The following ATP13A5 variants were observed in gnomAD, a reference collection of about 807,000 sequenced individuals.
The protein encoded by ATP13A5 is probable cation-transporting ATPase 13A5.
In ATP13A5, 149 loss-of-function variants were observed where a neutral mutation model predicts 150.2. The ratio of observed to expected loss-of-function variants is 0.99; its 90% CI spans 0.87 to 1.14. The LOEUF (loss-of-function observed/expected upper bound fraction) is 1.14, where lower values mean the gene tolerates loss of function less well. ATP13A5 is among the 50% of genes most tolerant of loss of function. The probability of loss-of-function intolerance (pLI) is 0.00; values close to 1 mark genes in which losing one functional copy is unlikely to be tolerated. For missense variants in ATP13A5, 1,383 were observed against 1,449.3 expected (o/e 0.95, Z 0.74); for synonymous variants, 497 against 522.2 (o/e 0.95, Z 0.66).
chr3:193,294,284 A>G (rs1003418643), intron 25 of ATP13A5, among the ~76,000 whole-genome samples: 13 of 152,044 alleles, frequency 8.6e-5, no homozygotes, highest in African/African-American at 2.9e-4. Flanking sequence ...AGGTGCTTCC[A>G]AGTTCCTGTT....
chr3:193,377,115 C>A (rs1159703694), intron 1 of ATP13A5, among the ~76,000 whole-genome samples: 1 of 152,162 alleles, frequency 6.6e-6, no homozygotes, highest in African/African-American at 2.4e-5. Context: ...AGGCTATAAA[C>A]TTTACAAATA....
chr3:193,338,218 C>G (rs1399327883), intron 9 of ATP13A5, among the ~76,000 whole-genome samples: 1 of 152,136 alleles, frequency 6.6e-6, no homozygotes, highest in Admixed American at 6.6e-5. Context: ...ATTGAATACC[C>G]TTTATTTCTT....
rs1718583478 is a variant in ATP13A5, at chr3:193,305,629, G to A, written c.2608C>T (p.Gln870Ter). The change falls in exon 23 of 30, where the codon CAG becomes TAG. Residue 870 changes from glutamine (Q) to a stop codon, truncating the protein, a stop_gained. Coordinates refer to ENST00000342358, the MANE Select transcript of ATP13A5 (RefSeq NM_198505.4). LOFTEE classifies it high-confidence loss of function. The stretch of plus-strand genomic sequence containing the variant: ...AAAGGGGATGCCACAGATGCTTCCT[G>A]CTCTGATAATGAAATGCCTGCATGA... Reference protein sequence around the residue: ...AAHAGISLSEQEASVASPFTS... With the variant: ...AAHAGISLSE The A allele has an allele frequency of 1.2e-6, 2 of 1,613,946 alleles. No homozygotes were observed. Among genetic ancestry groups the A allele is most frequent in the Non-Finnish European group, 1.7e-6 (2 of 1,179,890 alleles).
At chr3:193,366,637 C>T (rs893346674) in intron 1 of ATP13A5, among the ~76,000 whole-genome samples, 2 of 152,004 alleles carry the variant, frequency 1.3e-5, no homozygotes, top group African/African-American at 2.4e-5. Flanking sequence ...AATCTACTCT[C>T]ATCATTGGAG....
At chr3:193,352,743 TA>T (rs1712614160) in intron 6 of ATP13A5, among the ~76,000 whole-genome samples, 2 of 152,154 alleles carry the variant, frequency 1.3e-5, no homozygotes, top group South Asian at 2.1e-4. Context: ...AAAATAAAGT[TA>T]AAAAAAGCAA....
In ATP13A5 at chr3:193,328,509, A is replaced by G. The variant is rs577939359; in HGVS notation, c.1462-1452T>C. On this transcript the variant is annotated intron_variant, in intron 12 of 29. Coordinates refer to ENST00000342358, the MANE Select transcript of ATP13A5 (RefSeq NM_198505.4). ...TTCCTGATGATGTTTTTAAACATCA[A>G]TATTTTGAACATGAAAACAGAGATG... is the stretch of plus-strand genomic sequence containing the variant. Among the ~76,000 whole-genome samples, 172 of 152,360 alleles carry G rather than the reference A, an allele frequency of 1.1e-3. 1 individual carries two copies. Among genetic ancestry groups the G allele is most frequent in the African/African-American group, 3.8e-3 (160 of 41,594 alleles).
chr3:193,308,016 T>A (rs775486041), intron 21 of ATP13A5, among the ~76,000 whole-genome samples: 6 of 152,226 alleles, frequency 3.9e-5, no homozygotes, highest in African/African-American at 1.4e-4. Flanking sequence ...ATTATAAGTA[T>A]TGATAAATGA....
chr3:193,322,846 T>C lies in ATP13A5; in HGVS notation c.1675-272A>G, dbSNP rs111418003. On this transcript the variant is annotated intron_variant, in intron 14 of 29. Transcript: ENST00000342358. ...TGCTAGCTACAGGTCCATGGATCTT[T>C]CTAAATGATTACATCTAGTAATTGG... 1.9e-3 allele frequency among the ~76,000 whole-genome samples: 297 copies of C among 152,324 alleles called. 1 individual carries two copies. The highest frequency in any genetic ancestry group is 6.7e-3 in the African/African-American group (280 of 41,566).
At position 193,305,632 on chromosome 3, in the gene ATP13A5, C is replaced by T. The variant is rs1484164068; in HGVS notation, c.2605G>A (p.Glu869Lys). 1 of 1,613,920 alleles carries T rather than the reference C, an allele frequency of 6.2e-7. No individual in the cohort carries two copies. Among genetic ancestry groups the T allele is most frequent in the African/African-American group, 1.3e-5 (1 of 75,006 alleles). ...KAAHAGISLS[E>K]QEASVASPFT... ...GGGGATGCCACAGATGCTTCCTGCT[C>T]TGATAATGAAATGCCTGCATGAGCC... Residue 869 changes from glutamate (E) to lysine (K), a missense_variant, in exon 23 of 30, where the codon GAG becomes AAG. By Grantham distance (56) the Glu-to-Lys change is moderately conservative. Transcript: ENST00000342358.
chr3:193,327,100 T>A (rs1233971209), intron 12 of ATP13A5, 43 bp from the exon 13 acceptor site: 2 of 1,527,486 alleles, frequency 1.3e-6, no homozygotes, highest in Admixed American at 1.9e-5. Context: ...GATTTAAAGC[T>A]TTTAATTATA....
At chr3:193,363,458 A>C in intron 2 of ATP13A5, 76 bp from the exon 3 acceptor site, 1 of 1,378,012 alleles carries the variant, frequency 7.3e-7, no homozygotes, top group Non-Finnish European at 9.9e-7. Context: ...ATACCTACCA[A>C]GTGGTACAAA....
chr3:193,310,728 A>T lies in ATP13A5; in HGVS notation c.2446-11T>A. 3 of 1,593,642 alleles carry T rather than the reference A, an allele frequency of 1.9e-6. No homozygotes were observed. ...TCCATTCACCAGAATCTAAAAAGAA[A>T]AAACAACCATTGCAATATGATTGGG... On this transcript the variant is annotated splice_polypyrimidine_tract_variant and intron_variant, in intron 20 of 29. Transcript: ENST00000342358.
chr3:193,308,494 A>G (rs1287145838), intron 21 of ATP13A5, among the ~76,000 whole-genome samples: 2 of 152,192 alleles, frequency 1.3e-5, no homozygotes, highest in African/African-American at 2.4e-5. Flanking sequence ...GCACACCCCT[A>G]TGGTTCAATC....
chr3:193,367,080 C>A (rs1713264581), intron 1 of ATP13A5, among the ~76,000 whole-genome samples: 1 of 151,922 alleles, frequency 6.6e-6, no homozygotes, highest in African/African-American at 2.4e-5. Context: ...GCTTTAGCTG[C>A]AAATCTTAGT....
chr3:193,279,223 T>C lies in ATP13A5; in HGVS notation c.3315+143A>G, dbSNP rs370209509. On this transcript the variant is annotated intron_variant, in intron 28 of 29. Coordinates refer to ENST00000342358, the MANE Select transcript of ATP13A5 (RefSeq NM_198505.4). ...CCAGTATAGGTGAAATCCAGATATC[T>C]TATTTGCCCTTCTAGTATATAGAAA... The C allele has an allele frequency of 9.9e-4, 609 of 613,124 alleles. 11 individuals carry two copies. In the South Asian group the frequency reaches 0.013, roughly 13 times the overall value. The allele number at this position is 613,124 out of a possible 1,614,324, so 38.0% of individuals were successfully genotyped here. A position where few individuals can be genotyped will look rare whatever the true frequency, so the allele number is the denominator to read the frequency against.
intron 5 of ATP13A5, among the ~76,000 whole-genome samples, chr3:193,354,637 G>A (rs951083034): frequency 1.3e-5 from 2 of 151,692 alleles, no homozygotes; most frequent in Non-Finnish European, 2.9e-5. Flanking sequence ...TATACGAACC[G>A]AATGAATACA....
In ATP13A5 at chr3:193,378,653, G is replaced by C. The variant is rs200046396; in HGVS notation, c.63+10C>G. ...TTTGAGAAGACTAATAAAATAAAGG[G>C]AAGACTCACCAGTTCATCCTCCTCT... is the stretch of plus-strand genomic sequence containing the variant. On this transcript the variant is annotated intron_variant, in intron 1 of 29. Transcript: ENST00000342358. The C allele has an allele frequency of 3.7e-4, 594 of 1,612,550 alleles. No individual in the cohort carries two copies. Among genetic ancestry groups the C allele is most frequent in the Non-Finnish European group, 4.7e-4 (551 of 1,178,678 alleles).
intron 27 of ATP13A5, chr3:193,281,180 ATTTAC>A: frequency 4.1e-6 from 4 of 985,322 alleles, no homozygotes; most frequent in Non-Finnish European, 4.8e-6. Context: ...TGGATTTTTC[ATTTAC>A]TTCATGGATT....
chr3:193,363,165 T>C, intron 3 of ATP13A5, 71 bp downstream of exon 3: 2 of 1,507,436 alleles, frequency 1.3e-6, no homozygotes, highest in South Asian at 1.3e-5. Context: ...TTCGGAACTT[T>C]CATTTAATAA....
Sources: allele counts gnomAD v4.1 joint callset (sites outside exome capture counted in the v4.1 genomes callset), GRCh38; gene constraint gnomAD v4.1.1; transcripts MANE v1.5; gene names NCBI Gene and HGNC (gene_info 2026-07-23, HGNC 2026-07-21).